The following MEGF9 variants were observed in gnomAD, a reference collection of about 807,000 sequenced individuals.
MEGF9 encodes multiple EGF like domains 9.
Under a neutral mutation model 46.8 loss-of-function variants are expected in MEGF9, and 6 were observed. The ratio of observed to expected loss-of-function variants is 0.13; its 90% confidence interval spans 0.07 to 0.25. The LOEUF (loss-of-function observed/expected upper bound fraction) is 0.25, where lower values mean the gene tolerates loss of function less well. MEGF9 is among the 10% of genes least tolerant of loss of function. The probability of loss-of-function intolerance (pLI) is 1.00; values close to 1 mark genes in which losing one functional copy is unlikely to be tolerated. For synonymous variants in MEGF9, 302 were observed against 330.7 expected (o/e 0.91, Z 0.94); for missense variants, 683 against 792.4 (o/e 0.86, Z 1.66).
At chr9:120,626,986 T>C (rs1270401303) in intron 2 of MEGF9, among the ~76,000 whole-genome samples, 2 of 152,212 alleles carry the variant, frequency 1.3e-5, no homozygotes, top group Admixed American at 6.5e-5. Context: ...GAAAGTAGGT[T>C]AGAATTCCCA....
At chr9:120,662,722 T>A (rs377136040) in intron 1 of MEGF9, among the ~76,000 whole-genome samples, 1 of 152,354 alleles carries the variant, frequency 6.6e-6, no homozygotes, top group African/African-American at 2.4e-5. Context: ...TGGTATCAGA[T>A]AAAATAATAA....
At chr9:120,708,820 A>G (rs1395915566) in intron 1 of MEGF9, among the ~76,000 whole-genome samples, 1 of 152,242 alleles carries the variant, frequency 6.6e-6, no homozygotes, top group Admixed American at 6.5e-5. Context: ...TTATAAATTT[A>G]GTTAATGTCT....
At chr9:120,648,936 T>C (rs1244644752) in intron 2 of MEGF9, among the ~76,000 whole-genome samples, 2 of 152,172 alleles carry the variant, frequency 1.3e-5, no homozygotes, top group African/African-American at 4.8e-5. Context: ...AAATGCAAAA[T>C]AGTAAATACA....
chr9:120,694,309 A>G (rs929999636), intron 1 of MEGF9, among the ~76,000 whole-genome samples: 1 of 152,254 alleles, frequency 6.6e-6, no homozygotes, highest in African/African-American at 2.4e-5. Flanking sequence ...TCTTAGATTC[A>G]GGTTCTTTAT....
chr9:120,680,895 C>T (rs1382253485), intron 1 of MEGF9, among the ~76,000 whole-genome samples: 1 of 151,730 alleles, frequency 6.6e-6, no homozygotes, highest in Admixed American at 6.6e-5. Context: ...GTGAATGCTG[C>T]CAGGCCTGGG....
rs1587969444 is a variant in MEGF9 at position 120,601,497 on chromosome 9, T to C, written c.*3693A>G. 6.6e-6 allele frequency: 1 copy of C among 152,282 alleles called. No homozygotes were observed. Among genetic ancestry groups the C allele is most frequent in the East Asian group, 1.9e-4 (1 of 5,184 alleles). 9.4% of individuals were successfully genotyped at this position (152,282 alleles called of 1,614,324 possible). Reference sequence around the variant, plus strand: ...CAGCTGACCAAAATAAACTAGTAGGTCAGTGAGTATTGCTTTAATGGTCAA... The same window carrying C: ...CAGCTGACCAAAATAAACTAGTAGGCCAGTGAGTATTGCTTTAATGGTCAA... On this transcript the variant is annotated 3_prime_UTR_variant, in exon 6 of 6. Coordinates refer to ENST00000373930, the MANE Select transcript of MEGF9 (RefSeq NM_001080497.3).
chr9:120,629,508 C>A (rs1438176977), intron 2 of MEGF9, among the ~76,000 whole-genome samples: 1 of 152,124 alleles, frequency 6.6e-6, no homozygotes, highest in Non-Finnish European at 1.5e-5. Flanking sequence ...CATGGTGGCA[C>A]ACGGCTGTAA....
intron 1 of MEGF9, among the ~76,000 whole-genome samples, chr9:120,671,351 C>T (rs571602676): frequency 4.9e-4 from 74 of 152,284 alleles, no homozygotes; most frequent in African/African-American, 1.7e-3. Flanking sequence ...CCAGCTGTAG[C>T]CAATCTACCA....
At chr9:120,689,558 G>C (rs1206995713) in intron 1 of MEGF9, among the ~76,000 whole-genome samples, 1 of 152,094 alleles carries the variant, frequency 6.6e-6, no homozygotes, top group Admixed American at 6.6e-5. Context: ...AAATCCAATT[G>C]AGAGATGAAG....
chr9:120,636,232 C>T (rs1339550697), intron 2 of MEGF9, among the ~76,000 whole-genome samples: 1 of 152,196 alleles, frequency 6.6e-6, no homozygotes, highest in Non-Finnish European at 1.5e-5. Context: ...GCCACCGCGT[C>T]CAGCCTACCT....
At chr9:120,686,003 T>TA (rs1189972011) in intron 1 of MEGF9, among the ~76,000 whole-genome samples, 4 of 151,862 alleles carry the variant, frequency 2.6e-5, no homozygotes, top group Non-Finnish European at 5.9e-5. Flanking sequence ...ACTTATGAAG[T>TA]ATCTAAAGTA....
Position 120,706,798 on chromosome 9 carries a change from G to A in MEGF9, c.601+6960C>T, listed in dbSNP as rs542561009. 9.1e-4 allele frequency among the ~76,000 whole-genome samples: 139 copies of A among 152,234 alleles called. No individual in the cohort carries two copies. In the Middle Eastern group the frequency reaches 0.01, roughly 11 times the overall value. On this transcript the variant is annotated intron_variant, in intron 1 of 5. Transcript: ENST00000373930. ...TGCAGTGAGCCATGATTGTGCCACC[G>A]CACTCCAGCCCGGGACACAGAGTGA...
intron 2 of MEGF9, among the ~76,000 whole-genome samples, chr9:120,628,465 G>GTTTTTTTTTTTTTTT (rs1554795252): frequency 1.9e-5 from 1 of 52,756 alleles, no homozygotes; most frequent in African/African-American, 5.5e-5. Flanking sequence ...AATTCTTGTC[G>GTTTTTTTTTTTTTTT]TTGTTTTTTT....
At chr9:120,669,938 A>C (rs2043741264) in intron 1 of MEGF9, among the ~76,000 whole-genome samples, 2 of 152,170 alleles carry the variant, frequency 1.3e-5, no homozygotes, top group Admixed American at 6.5e-5. Context: ...AGCTTTTTAC[A>C]ATTTTCTGGC....
rs370281228 is a variant in MEGF9 at position 120,695,603 on chromosome 9, C to CAAAAAA, written c.601+18149_601+18154dup. On this transcript the variant is annotated intron_variant, in intron 1 of 5. Coordinates refer to ENST00000373930, the MANE Select transcript of MEGF9 (RefSeq NM_001080497.3). ...TGGGTGACAGTGTGAGACCCCATCT[C>CAAAAAA]AAAAAAAAAAAAAAAAAAAAAAAAA... Among the ~76,000 whole-genome samples, 5 of 18,686 alleles carry CAAAAAA rather than the reference C, an allele frequency of 2.7e-4. 1 individual carries two copies. Among genetic ancestry groups the CAAAAAA allele is most frequent in the Admixed American group, 1.4e-3 (2 of 1,476 alleles). 12.3% of individuals were successfully genotyped at this position (18,686 alleles called of 152,430 possible). A position where few individuals can be genotyped will look rare whatever the true frequency, so the allele number is the denominator to read the frequency against.
chr9:120,669,373 A>C (rs2043738915), intron 1 of MEGF9, among the ~76,000 whole-genome samples: 1 of 152,182 alleles, frequency 6.6e-6, no homozygotes, highest in Non-Finnish European at 1.5e-5. Flanking sequence ...GAGCTGGTCA[A>C]TTTAAAAGAC....
intron 2 of MEGF9, among the ~76,000 whole-genome samples, chr9:120,632,176 C>A (rs986619651): frequency 6.6e-6 from 1 of 152,148 alleles, no homozygotes; most frequent in Non-Finnish European, 1.5e-5. Flanking sequence ...CCACCCACCT[C>A]GGCCTCCCAA....
At chr9:120,613,357 G>C (rs1244384432) in intron 3 of MEGF9, among the ~76,000 whole-genome samples, 1 of 151,642 alleles carries the variant, frequency 6.6e-6, no homozygotes, top group South Asian at 2.1e-4. Flanking sequence ...TGTGGAGGGA[G>C]GGGGGTAAAA....
At chr9:120,642,601 C>T (rs2043607925) in intron 2 of MEGF9, among the ~76,000 whole-genome samples, 1 of 152,196 alleles carries the variant, frequency 6.6e-6, no homozygotes, top group Non-Finnish European at 1.5e-5. Flanking sequence ...CTGGATTATG[C>T]AGCTTCTTTC....
Sources: allele counts gnomAD v4.1 joint callset (sites outside exome capture counted in the v4.1 genomes callset), GRCh38; gene constraint gnomAD v4.1.1; transcripts MANE v1.5; gene names NCBI Gene and HGNC (gene_info 2026-07-23, HGNC 2026-07-21).